Variants in RASGRP1 observed in about 807,000 individuals in gnomAD.
The protein encoded by RASGRP1 is RAS guanyl-releasing protein 1.
Under a neutral mutation model 95.1 loss-of-function variants are expected in RASGRP1, and 37 were observed. The ratio of observed to expected loss-of-function variants is 0.39; its 90% confidence interval spans 0.30 to 0.51. RASGRP1 has a LOEUF of 0.51. Among genes scored for constraint, RASGRP1 ranks in the 20% least tolerant of loss-of-function variants. RASGRP1 has a pLI of 0.80. For synonymous variants in RASGRP1, 325 were observed against 353.4 expected (o/e 0.92, Z 0.90); for missense variants, 711 against 965.4 (o/e 0.74, Z 3.49).
intron 2 of RASGRP1, among the ~76,000 whole-genome samples, chr15:38,552,866 T>C (rs1349153466): frequency 6.6e-6 from 1 of 152,206 alleles, no homozygotes; most frequent in Non-Finnish European, 1.5e-5. Flanking sequence ...GTTTCACAGT[T>C]GCATCTATGA....
chr15:38,519,210 G>A (rs1355624154), intron 4 of RASGRP1, 99 bp downstream of exon 4: 3 of 907,258 alleles, frequency 3.3e-6, no homozygotes, highest in African/African-American at 3.3e-5. Context: ...TCTGTCCAAA[G>A]GTGTTCTATA....
intron 2 of RASGRP1, among the ~76,000 whole-genome samples, chr15:38,542,915 ATGTGTGTATATATATG>A (rs1327584744): frequency 9.9e-6 from 1 of 101,352 alleles, no homozygotes; most frequent in Non-Finnish European, 2.1e-5. Context: ...ACACATATAT[ATGTGTGTATATATATG>A]TGTGTGTATA....
chr15:38,503,712 T>C (rs1317677438), intron 10 of RASGRP1: 1 of 252,244 alleles, frequency 4.0e-6, no homozygotes, highest in African/African-American at 2.3e-5. Flanking sequence ...ATGATTCCTC[T>C]CTATTCTCCA....
Position 38,510,740 on chromosome 15 carries a change from G to A in RASGRP1, c.966+864C>T, listed in dbSNP as rs139518687. ...TTTAGGAGGCCGAGATGGGAGGATC[G>A]CTTGAGGCCAAGAGTTGGAGACCAG... is the stretch of plus-strand genomic sequence containing the variant. On this transcript the variant is annotated intron_variant, in intron 8 of 16. Transcript: ENST00000310803. Among the ~76,000 whole-genome samples the A allele has an allele frequency of 2.9e-4, 44 of 152,308 alleles. No homozygotes were observed. In the East Asian group the frequency reaches 7.2e-3, roughly 25 times the overall value.
intron 2 of RASGRP1, among the ~76,000 whole-genome samples, chr15:38,541,655 T>C (rs976982307): frequency 1.1e-4 from 17 of 152,092 alleles, no homozygotes; most frequent in Non-Finnish European, 2.2e-4. Flanking sequence ...CCTGGATAAA[T>C]CACTAACCCA....
intron 13 of RASGRP1, among the ~76,000 whole-genome samples, chr15:38,500,915 T>C (rs890786534): frequency 4.6e-5 from 7 of 152,154 alleles, no homozygotes; most frequent in African/African-American, 1.7e-4. Context: ...TCAGCATTTC[T>C]GGTACCATTT....
chr15:38,490,710 G>A (rs776616996), intron 16 of RASGRP1, 22 bp from the exon 17 acceptor site: 2 of 1,593,954 alleles, frequency 1.3e-6, no homozygotes, highest in African/African-American at 1.3e-5. Context: ...GGAGAATGAG[G>A]TATGTTAATA....
At chr15:38,562,951 G>A (rs1477681158) in intron 1 of RASGRP1, among the ~76,000 whole-genome samples, 1 of 152,194 alleles carries the variant, frequency 6.6e-6, no homozygotes, top group Non-Finnish European at 1.5e-5. Context: ...TAAAAGGGAA[G>A]AAAGGGTGAC....
chr15:38,507,598 G>A, intron 9 of RASGRP1, 128 bp downstream of exon 9: 2 of 1,066,786 alleles, frequency 1.9e-6, no homozygotes, highest in South Asian at 1.7e-5. Context: ...GCTATATGTT[G>A]GAGATAGTAA....
rs770588727 is a variant in RASGRP1 at position 38,501,268 on chromosome 15, C to T, written c.1558G>A (p.Asp520Asn). 2 of 1,612,876 alleles carry T rather than the reference C, an allele frequency of 1.2e-6. No homozygotes were observed. The highest frequency in any genetic ancestry group is 2.2e-5 in the South Asian group (2 of 90,912). ...CTCATGAAGTAGGCTGTGATCTCATCCCTGCTGATGAGGCCTTCCCTGCCG... is the reference window on the plus strand; with the variant it reads ...CTCATGAAGTAGGCTGTGATCTCATTCCTGCTGATGAGGCCTTCCCTGCCG... ...DKDREGLISR[D>N]EITAYFMRAS... is the part of the protein sequence containing the mutation. Residue 520 changes from aspartate (D) to asparagine (N), a missense_variant, in exon 13 of 17, where the codon GAT becomes AAT. Asp to Asn is a conservative substitution (Grantham distance 23). Transcript: ENST00000310803.
At chr15:38,542,600 G>C (rs549698604) in intron 2 of RASGRP1, among the ~76,000 whole-genome samples, 2 of 150,714 alleles carry the variant, frequency 1.3e-5, no homozygotes, top group Admixed American at 6.7e-5. Context: ...GAAGTCTTTC[G>C]CCTGTTCTCA....
At chr15:38,512,722 G>GA (rs1891585429) in intron 7 of RASGRP1, 61 bp downstream of exon 7, 1 of 1,592,042 alleles carries the variant, frequency 6.3e-7, no homozygotes, top group Admixed American at 1.7e-5. Context: ...TAAGCTGGAG[G>GA]AAAAGGGGAT....
At chr15:38,506,047 A>G (rs1479809331) in intron 9 of RASGRP1, 127 bp from the exon 10 acceptor site, 6 of 680,082 alleles carry the variant, frequency 8.8e-6, no homozygotes, top group Admixed American at 2.7e-5. Flanking sequence ...TTTGTTTTTA[A>G]AAGTCACAAA....
intron 8 of RASGRP1, among the ~76,000 whole-genome samples, chr15:38,509,453 G>A (rs62003603): frequency 0.011 from 1,711 of 152,328 alleles, 20 homozygotes; most frequent in Non-Finnish European, 0.019. Context: ...TTGGCCAGGC[G>A]TGGTGGTTCA....
intron 10 of RASGRP1, chr15:38,504,745 C>G (rs765137136): frequency 3.3e-5 from 5 of 152,088 alleles, no homozygotes; most frequent in African/African-American, 7.2e-5. Context: ...AGTGTATAAC[C>G]TAGACTTTTT....
At chr15:38,503,902 A>G (rs1340069700) in intron 10 of RASGRP1, 1 of 180,400 alleles carries the variant, frequency 5.5e-6, no homozygotes, top group Non-Finnish European at 1.1e-5. Flanking sequence ...TATGAGCACC[A>G]CAGTGTGTAC....
At chr15:38,538,884 G>A (rs1892759887) in intron 2 of RASGRP1, among the ~76,000 whole-genome samples, 1 of 152,158 alleles carries the variant, frequency 6.6e-6, no homozygotes, top group African/African-American at 2.4e-5. Context: ...GTTAACTTGT[G>A]GGTCCCAAAT....
intron 6 of RASGRP1, among the ~76,000 whole-genome samples, chr15:38,514,017 C>T (rs929689274): frequency 1.3e-4 from 20 of 152,144 alleles, no homozygotes; most frequent in South Asian, 2.1e-4. Flanking sequence ...CATCTGGGTT[C>T]CTGGGGAACT....
intron 1 of RASGRP1, among the ~76,000 whole-genome samples, chr15:38,561,387 T>A (rs541228153): frequency 6.6e-6 from 1 of 152,280 alleles, no homozygotes; most frequent in African/African-American, 2.4e-5. Flanking sequence ...GAAAGCTACA[T>A]AAATGTTAAA....
Sources: gnomAD v4.1 joint callset for allele counts (sites outside exome capture counted in the v4.1 genomes callset) on GRCh38, gnomAD v4.1.1 for gene constraint, MANE v1.5 for transcripts, NCBI Gene and HGNC (gene_info 2026-07-23, HGNC 2026-07-21) for gene names.